SEMA3E: variants seen among roughly 807,000 people sequenced by gnomAD.
The protein encoded by SEMA3E is semaphorin 3E, also known as semaphorin-3E.
Under a neutral mutation model 93.6 loss-of-function variants are expected in SEMA3E, and 49 were observed. The observed-to-expected ratio is 0.52, with a 90% CI of 0.42 to 0.66. The LOEUF (loss-of-function observed/expected upper bound fraction) is 0.66, where lower values mean the gene tolerates loss of function less well. Among genes scored for constraint, SEMA3E ranks in the 30% least tolerant of loss-of-function variants. SEMA3E has a pLI of 0.00. For synonymous variants in SEMA3E, 363 were observed against 330.7 expected (o/e 1.10, Z -1.06); for missense variants, 906 against 964.8 (o/e 0.94, Z 0.81).
chr7:83,599,451 A>T (rs1020874639), intron 1 of SEMA3E, among the ~76,000 whole-genome samples: 1 of 152,186 alleles, frequency 6.6e-6, no homozygotes, highest in African/African-American at 2.4e-5. Flanking sequence ...TGTGAGCTCA[A>T]ATTCAAGGAA....
intron 16 of SEMA3E, chr7:83,372,277 A>G (rs998763005): frequency 5.0e-6 from 2 of 397,946 alleles, no homozygotes; most frequent in African/African-American, 2.1e-5. Flanking sequence ...GTCTTAGGAC[A>G]TTGCCTTTAC....
At chr7:83,553,689 T>C (rs2115810195) in intron 1 of SEMA3E, among the ~76,000 whole-genome samples, 1 of 152,288 alleles carries the variant, frequency 6.6e-6, no homozygotes, top group Admixed American at 6.5e-5. Context: ...GGTTTTGGCA[T>C]TATTTTTGTT....
At chr7:83,453,221 G>A (rs1307355350) in intron 4 of SEMA3E, among the ~76,000 whole-genome samples, 3 of 151,910 alleles carry the variant, frequency 2.0e-5, no homozygotes, top group Non-Finnish European at 4.4e-5. Flanking sequence ...GTAGAGACGG[G>A]GTTTCACCAC....
At chr7:83,623,486 T>C (rs1164206864) in intron 1 of SEMA3E, among the ~76,000 whole-genome samples, 2 of 152,134 alleles carry the variant, frequency 1.3e-5, no homozygotes, top group African/African-American at 4.8e-5. Flanking sequence ...AACATATTAA[T>C]AACTTGTAGT....
At chr7:83,451,271 A>T (rs547081794) in intron 4 of SEMA3E, among the ~76,000 whole-genome samples, 49 of 152,324 alleles carry the variant, frequency 3.2e-4, no homozygotes, top group African/African-American at 1.1e-3. Flanking sequence ...GCAGCATGGG[A>T]ACAGACTAAT....
At chr7:83,372,517 G>C in intron 16 of SEMA3E, 3 of 319,432 alleles carry the variant, frequency 9.4e-6, no homozygotes, top group Non-Finnish European at 1.7e-5. Context: ...TTTGTTGCTT[G>C]TTTTTTCAAG....
chr7:83,402,482 A>G (rs780289389), intron 10 of SEMA3E, 150 bp downstream of exon 10: 21 of 658,524 alleles, frequency 3.2e-5, no homozygotes, highest in Middle Eastern at 4.3e-4. Context: ...TTGAAGGAAT[A>G]TTTTTTTACT....
intron 1 of SEMA3E, among the ~76,000 whole-genome samples, chr7:83,647,266 A>G (rs1794091074): frequency 6.6e-6 from 1 of 152,198 alleles, no homozygotes; most frequent in Admixed American, 6.5e-5. Context: ...AGATTGTCCA[A>G]TAAAAAGACA....
chr7:83,526,172 G>A (rs1791155657), intron 1 of SEMA3E, among the ~76,000 whole-genome samples: 1 of 152,006 alleles, frequency 6.6e-6, no homozygotes, highest in East Asian at 1.9e-4. Context: ...ATATCATGTT[G>A]ACTGTTAGAA....
intron 6 of SEMA3E, 22 bp downstream of exon 6, chr7:83,408,346 A>C (rs771659788): frequency 8.7e-6 from 14 of 1,613,388 alleles, no homozygotes; most frequent in Non-Finnish European, 1.1e-5. Flanking sequence ...CCTAATTCAC[A>C]TACTCTTTTC....
intron 1 of SEMA3E, among the ~76,000 whole-genome samples, chr7:83,561,748 C>T (rs1000268609): frequency 1.3e-5 from 2 of 152,094 alleles, no homozygotes; most frequent in African/African-American, 4.8e-5. Context: ...AGTATTTCAA[C>T]AATATGCTAA....
intron 1 of SEMA3E, chr7:83,641,413 A>G (rs1433313257): frequency 1.7e-5 from 17 of 984,920 alleles, no homozygotes; most frequent in South Asian, 4.7e-5. Context: ...ATAGCTGCCT[A>G]TAGGACACTG....
intron 1 of SEMA3E, among the ~76,000 whole-genome samples, chr7:83,574,423 T>C (rs1011630144): frequency 4.8e-5 from 7 of 145,200 alleles, no homozygotes; most frequent in Admixed American, 2.1e-4. Flanking sequence ...AGTGAGGCCA[T>C]ACACTGAGAA....
In SEMA3E at chr7:83,565,765, GTTT is replaced by G. The variant is rs1215071705; in HGVS notation, c.116-75494_116-75492del. Reference sequence around the variant, plus strand: ...TTGTCCAGAAAAAACAGCTATACGTGTTTTTTCCAGTTTCTAAGGGTGAAAATT... The same window carrying G: ...TTGTCCAGAAAAAACAGCTATACGTGTTTCCAGTTTCTAAGGGTGAAAATT... On this transcript the variant is annotated intron_variant, in intron 1 of 16. Coordinates refer to ENST00000643230, the MANE Select transcript of SEMA3E (RefSeq NM_012431.3). Among the ~76,000 whole-genome samples the G allele has an allele frequency of 3.9e-5, 6 of 152,060 alleles. No individual in the cohort carries two copies. In the East Asian group the frequency reaches 1.2e-3, roughly 30 times the overall value.
chr7:83,509,409 A>T (rs538692269), intron 1 of SEMA3E, among the ~76,000 whole-genome samples: 2 of 152,320 alleles, frequency 1.3e-5, no homozygotes, highest in Admixed American at 1.3e-4. Context: ...AGAGCCAATT[A>T]CACTGTTCAC....
intron 2 of SEMA3E, among the ~76,000 whole-genome samples, chr7:83,476,813 T>C (rs1354295820): frequency 6.6e-6 from 1 of 152,084 alleles, no homozygotes; most frequent in Admixed American, 6.5e-5. Flanking sequence ...TTAAAGGCAG[T>C]TAAACAACAG....
intron 1 of SEMA3E, among the ~76,000 whole-genome samples, chr7:83,528,991 A>G (rs1483459782): frequency 6.6e-6 from 1 of 152,158 alleles, no homozygotes; most frequent in South Asian, 2.1e-4. Flanking sequence ...AAAATCTTCC[A>G]GACAAGGTCT....
rs1175716921 is a variant in SEMA3E, at chr7:83,367,077, C to G, written c.*509G>C. The G allele has an allele frequency of 1.8e-5, 3 of 165,606 alleles. No individual in the cohort carries two copies. The highest frequency in any genetic ancestry group is 7.2e-5 in the African/African-American group (3 of 41,508). The allele number at this position is 165,606 out of a possible 1,614,324, so 10.3% of individuals were successfully genotyped here. A position where few individuals can be genotyped will look rare whatever the true frequency, so the allele number is the denominator to read the frequency against. ...CACTCACAACACACCTGCTACTTAA[C>G]ACTCATGGCTTAAACAACACTAATA... is the stretch of plus-strand genomic sequence containing the variant. On this transcript the variant is annotated 3_prime_UTR_variant, in exon 17 of 17. Coordinates refer to ENST00000643230, the MANE Select transcript of SEMA3E (RefSeq NM_012431.3).
intron 4 of SEMA3E, among the ~76,000 whole-genome samples, 166 bp downstream of exon 4, chr7:83,466,316 A>G (rs1057367242): frequency 1.4e-4 from 21 of 152,234 alleles, no homozygotes; most frequent in African/African-American, 5.1e-4. Flanking sequence ...TGTACTTGAC[A>G]AGAATTTTAA....
Sources: gnomAD v4.1 joint callset for allele counts (sites outside exome capture counted in the v4.1 genomes callset) on GRCh38, gnomAD v4.1.1 for gene constraint, MANE v1.5 for transcripts, NCBI Gene and HGNC (gene_info 2026-07-23, HGNC 2026-07-21) for gene names.